The following EPS8 variants were observed in gnomAD, a reference collection of about 807,000 sequenced individuals.
EPS8 encodes the protein epidermal growth factor receptor kinase substrate 8.
EPS8 carries 42 observed loss-of-function variants against 103.8 expected under a neutral mutation model. The observed-to-expected ratio is 0.40, with a 90% CI of 0.32 to 0.52. EPS8 has a LOEUF of 0.52. Among genes scored for constraint, EPS8 ranks in the 20% least tolerant of loss-of-function variants. The probability of loss-of-function intolerance (pLI) is 0.40; values close to 1 mark genes in which losing one functional copy is unlikely to be tolerated. For missense variants in EPS8, 969 were observed against 1,005.1 expected, an observed-to-expected ratio of 0.96 and a Z score of 0.49; for synonymous variants, 344 against 344.6, an observed-to-expected ratio of 1.00 and a Z score of 0.02.
At chr12:15,656,342 A>G (rs760548772) in intron 12 of EPS8, among the ~76,000 whole-genome samples, 13 of 152,228 alleles carry the variant, frequency 8.5e-5, no homozygotes, top group Non-Finnish European at 1.8e-4. Flanking sequence ...TAGAGCAAGA[A>G]TTATTCAGAA....
At position 15,784,264 on chromosome 12, in the gene EPS8, C is replaced by T. The variant is rs1591941956; in HGVS notation, c.-22+4897G>A. On this transcript the variant is annotated intron_variant, in intron 1 of 20. Transcript: ENST00000281172. The surrounding 1 kb of genome is among the most constrained non-coding windows in gnomAD (Gnocchi z 4.0). ...ACATATCTGATAAAGTGCCTGTATA[C>T]AAAATGTATAAAGAACTCTTAAAAT... is the stretch of plus-strand genomic sequence containing the variant. Among the ~76,000 whole-genome samples, 1 of 151,980 alleles carries T rather than the reference C, an allele frequency of 6.6e-6. No individual in the cohort carries two copies. Among genetic ancestry groups the T allele is most frequent in the Non-Finnish European group, 1.5e-5 (1 of 67,954 alleles).
rs767147133 is a variant in EPS8 at position 15,749,545 on chromosome 12, C to A, written c.-22+39616G>T. On this transcript the variant is annotated intron_variant, in intron 1 of 20. Transcript: ENST00000281172. The surrounding 1 kb of genome is among the most constrained non-coding windows in gnomAD (Gnocchi z 4.0). ...TAATCTCCTTACAAGAAAACACACGCCTTTTGTTTATCTTCTTCACTCTGG... is the reference window on the plus strand; with the variant it reads ...TAATCTCCTTACAAGAAAACACACGACTTTTGTTTATCTTCTTCACTCTGG... Among the ~76,000 whole-genome samples, 1 of 152,142 alleles carries A rather than the reference C, an allele frequency of 6.6e-6. No individual in the cohort carries two copies. Among genetic ancestry groups the A allele is most frequent in the Non-Finnish European group, 1.5e-5 (1 of 68,032 alleles).
At chr12:15,758,963 A>G (rs561561838) in intron 1 of EPS8, among the ~76,000 whole-genome samples, 307 of 152,238 alleles carry the variant, frequency 2.0e-3, no homozygotes, top group Middle Eastern at 6.8e-3. Flanking sequence ...GAGGAAGCAT[A>G]TATGTTCACT....
chr12:15,630,143 C>T (rs2135726735), intron 18 of EPS8, among the ~76,000 whole-genome samples: 1 of 151,744 alleles, frequency 6.6e-6, no homozygotes, highest in Non-Finnish European at 1.5e-5. Flanking sequence ...TAAGAGAGGC[C>T]CACATTGAGG....
chr12:15,632,877 G>A (rs1440253467), intron 17 of EPS8, among the ~76,000 whole-genome samples: 1 of 152,126 alleles, frequency 6.6e-6, no homozygotes, highest in Non-Finnish European at 1.5e-5. Flanking sequence ...GGTGTGGGAA[G>A]GAGCCCTCAT....
intron 17 of EPS8, among the ~76,000 whole-genome samples, chr12:15,637,565 G>C (rs1337654226): frequency 6.6e-6 from 1 of 152,216 alleles, no homozygotes; most frequent in Non-Finnish European, 1.5e-5. Context: ...CATGAGCACT[G>C]GCCACGGGCA....
chr12:15,631,527 A>G lies in EPS8; in HGVS notation c.1959T>C (p.Asn653=), dbSNP rs749883795. 6.2e-7 allele frequency: 1 copy of G among 1,613,898 alleles called. No individual in the cohort carries two copies. The highest frequency in any genetic ancestry group is 8.5e-7 in the Non-Finnish European group (1 of 1,179,980). The change falls in exon 18 of 21, where the codon AAT becomes AAC. Residue 653 remains asparagine, a synonymous_variant. Coordinates refer to ENST00000281172, the MANE Select transcript of EPS8 (RefSeq NM_004447.6). ...TGGAGCTGCTGTTTTGACGTGTTAT[A>G]TTTGCTGGGACCTTTGACACAGGAA... ...APVPVSKVPA[N]ITRQNSSSSD... is the part of the protein sequence containing the mutation.
intron 6 of EPS8, among the ~76,000 whole-genome samples, chr12:15,667,860 T>G (rs1945743574): frequency 6.6e-6 from 1 of 152,132 alleles, no homozygotes; most frequent in South Asian, 2.1e-4. Context: ...AAAACTATAT[T>G]CAGTAAATAC....
At chr12:15,739,662 G>A (rs1946800287) in intron 1 of EPS8, among the ~76,000 whole-genome samples, 1 of 152,052 alleles carries the variant, frequency 6.6e-6, no homozygotes, top group African/African-American at 2.4e-5. Context: ...AGCTTCCCTG[G>A]TTCACCATCA....
At chr12:15,652,364 C>G (rs960372798) in intron 13 of EPS8, among the ~76,000 whole-genome samples, 4 of 151,986 alleles carry the variant, frequency 2.6e-5, no homozygotes, top group Non-Finnish European at 5.9e-5. Context: ...GAACTAAGAC[C>G]CAGTGTTAGA....
intron 1 of EPS8, among the ~76,000 whole-genome samples, chr12:15,709,508 G>A (rs1946433366): frequency 6.6e-6 from 1 of 152,160 alleles, no homozygotes; most frequent in Admixed American, 6.5e-5. Flanking sequence ...CGACTCAAAA[G>A]ATAAGTTACA....
At position 15,725,717 on chromosome 12, in the gene EPS8, A is replaced by C. The variant is rs890828912; in HGVS notation, c.-21-42745T>G. On this transcript the variant is annotated intron_variant, in intron 1 of 20. Coordinates refer to ENST00000281172, the MANE Select transcript of EPS8 (RefSeq NM_004447.6). The surrounding 1 kb of genome is among the most constrained non-coding windows in gnomAD (Gnocchi z 4.5). ...AATCCTGACTCATCATCATCAAATA[A>C]CAGAGAAATGAACAAAAAGATGGAA... Among the ~76,000 whole-genome samples, 1 of 152,166 alleles carries C rather than the reference A, an allele frequency of 6.6e-6. No homozygotes were observed. Among genetic ancestry groups the C allele is most frequent in the East Asian group, 1.9e-4 (1 of 5,192 alleles).
At chr12:15,645,475 C>T (rs1203309032) in intron 15 of EPS8, among the ~76,000 whole-genome samples, 3 of 151,932 alleles carry the variant, frequency 2.0e-5, no homozygotes, top group East Asian at 1.9e-4. Flanking sequence ...AATAATAATA[C>T]CACTTTAACT....
intron 1 of EPS8, among the ~76,000 whole-genome samples, chr12:15,788,411 G>A (rs1449585248): frequency 2.0e-5 from 3 of 152,296 alleles, no homozygotes; most frequent in Admixed American, 6.5e-5. Context: ...TATGGGAGGA[G>A]GAGGATTTGA....
chr12:15,737,936 C>T (rs569966870), intron 1 of EPS8, among the ~76,000 whole-genome samples: 4 of 152,192 alleles, frequency 2.6e-5, no homozygotes, highest in Admixed American at 2.6e-4. Context: ...TTCCCTAAGA[C>T]TCCTGTCATT....
chr12:15,757,915 T>C lies in EPS8; in HGVS notation c.-22+31246A>G, dbSNP rs1947004184. ...ATCAAGAATTCTGACAGATCTCAGC[T>C]GGAACAGCTATCTGCTCCTCATGCC... is the stretch of plus-strand genomic sequence containing the variant. On this transcript the variant is annotated intron_variant, in intron 1 of 20. Transcript: ENST00000281172. This position sits in a 1 kb window ranked among gnomAD's most constrained non-coding sequence, Gnocchi z 4.1. 6.6e-6 allele frequency among the ~76,000 whole-genome samples: 1 copy of C among 152,228 alleles called. No homozygotes were observed. Among genetic ancestry groups the C allele is most frequent in the African/African-American group, 2.4e-5 (1 of 41,466 alleles).
intron 1 of EPS8, among the ~76,000 whole-genome samples, chr12:15,788,960 G>T (rs986928859): frequency 6.6e-6 from 1 of 152,132 alleles, no homozygotes; most frequent in East Asian, 1.9e-4. Context: ...AGCTTGCCCG[G>T]ACCCGGCGAG....
At chr12:15,644,886 T>C (rs569488967) in intron 15 of EPS8, among the ~76,000 whole-genome samples, 1 of 152,086 alleles carries the variant, frequency 6.6e-6, no homozygotes, top group Admixed American at 6.5e-5. Flanking sequence ...ATGACAAATG[T>C]TCTTAGCAAC....
chr12:15,788,355 C>T (rs1397189809), intron 1 of EPS8, among the ~76,000 whole-genome samples: 4 of 152,192 alleles, frequency 2.6e-5, no homozygotes, highest in African/African-American at 4.8e-5. Context: ...CAAATCCTAA[C>T]CACGGCGTCC....
Sources: gnomAD v4.1 joint callset for allele counts (sites outside exome capture counted in the v4.1 genomes callset) on GRCh38, gnomAD v4.1.1 for gene constraint, Gnocchi (gnomAD v3.1) non-coding constraint, MANE v1.5 for transcripts, NCBI Gene and HGNC (gene_info 2026-07-23, HGNC 2026-07-21) for gene names.